DSCAM: variants seen among roughly 807,000 people sequenced by gnomAD.
DSCAM encodes cell adhesion molecule DSCAM.
A neutral mutation model predicts 217.7 loss-of-function variants in DSCAM; 47 were observed. The observed-to-expected ratio is 0.22, with a 90% CI of 0.17 to 0.28. DSCAM has a LOEUF of 0.28. Among genes scored for constraint, DSCAM ranks in the 10% least tolerant of loss-of-function variants. The pLI, the probability that DSCAM is intolerant of heterozygous loss-of-function variation, is 1.00. For synonymous variants in DSCAM, 1,056 were observed against 1,015.3 expected, an observed-to-expected ratio of 1.04 and a Z score of -0.76; for missense variants, 2,080 against 2,618.3, an observed-to-expected ratio of 0.79 and a Z score of 4.49.
chr21:40,500,031 G>A (rs769561051), intron 3 of DSCAM, among the ~76,000 whole-genome samples: 21 of 152,122 alleles, frequency 1.4e-4, no homozygotes, highest in African/African-American at 4.3e-4. Context: ...CACCTGCCTC[G>A]GTCTCCCAAA....
At chr21:40,765,278 C>A (rs980560138) in intron 1 of DSCAM, among the ~76,000 whole-genome samples, 1 of 152,168 alleles carries the variant, frequency 6.6e-6, no homozygotes, top group Non-Finnish European at 1.5e-5. Flanking sequence ...CAATTCCTTG[C>A]GCAGAGCAAC....
chr21:40,682,466 C>T (rs955988230), intron 3 of DSCAM, among the ~76,000 whole-genome samples: 1 of 149,308 alleles, frequency 6.7e-6, no homozygotes, highest in African/African-American at 2.5e-5. Flanking sequence ...TGCCTTGTGT[C>T]CCCTAAAGTT....
chr21:40,603,160 T>C (rs947929078), intron 3 of DSCAM, among the ~76,000 whole-genome samples: 1 of 152,202 alleles, frequency 6.6e-6, no homozygotes, highest in African/African-American at 2.4e-5. Flanking sequence ...TTTAATTCCA[T>C]TGAAGTTTAA....
intron 3 of DSCAM, among the ~76,000 whole-genome samples, chr21:40,652,344 CAACA>C (rs1303227738): frequency 2.2e-4 from 8 of 35,924 alleles, no homozygotes; most frequent in African/African-American, 1.1e-3. Context: ...ACAACAACAA[CAACA>C]AAAAAAAAAA....
At chr21:40,533,544 T>TC (rs2076467414) in intron 3 of DSCAM, among the ~76,000 whole-genome samples, 3 of 15,134 alleles carry the variant, frequency 2.0e-4, no homozygotes, top group Admixed American at 1.4e-3. Context: ...CATCCATCCA[T>TC]TCATCCATCC....
chr21:40,102,898 G>T (rs78434035), intron 20 of DSCAM, among the ~76,000 whole-genome samples: 341 of 152,168 alleles, frequency 2.2e-3, no homozygotes, highest in African/African-American at 7.9e-3. Flanking sequence ...TGTGCTTACT[G>T]CATCTCCCCA....
At chr21:40,472,735 GT>G (rs1025712159) in intron 3 of DSCAM, among the ~76,000 whole-genome samples, 2 of 148,508 alleles carry the variant, frequency 1.3e-5, no homozygotes, top group African/African-American at 4.9e-5. Flanking sequence ...TAAATGTAAA[GT>G]TTTTTTAAAA....
intron 1 of DSCAM, among the ~76,000 whole-genome samples, chr21:40,789,749 G>A (rs893128739): frequency 2.6e-5 from 4 of 152,186 alleles, no homozygotes; most frequent in Admixed American, 2.6e-4. Flanking sequence ...TAGAGACGGG[G>A]TTTCACCGTG....
chr21:40,140,326 A>G (rs2090274276), intron 18 of DSCAM, among the ~76,000 whole-genome samples: 1 of 152,202 alleles, frequency 6.6e-6, no homozygotes, highest in South Asian at 2.1e-4. Context: ...AGCTGCATGC[A>G]CACTCCCAAG....
At position 40,388,739 on chromosome 21, in the gene DSCAM, C is replaced by T. The variant is rs148441044; in HGVS notation, c.509-19494G>A. Among the ~76,000 whole-genome samples, 533 of 152,288 alleles carry T rather than the reference C, an allele frequency of 3.5e-3. 4 individuals are homozygous for T. The highest frequency in any genetic ancestry group is 3.8e-3 in the Non-Finnish European group (259 of 68,014). ...CACATTCTGGAAAGTGTGTTCAATC[C>T]TACTAAAACCTATTACAATCCATTC... is the stretch of plus-strand genomic sequence containing the variant. On this transcript the variant is annotated intron_variant, in intron 3 of 32. Coordinates refer to ENST00000400454, the MANE Select transcript of DSCAM (RefSeq NM_001389.5).
intron 4 of DSCAM, among the ~76,000 whole-genome samples, chr21:40,363,929 G>A (rs184676891): frequency 2.0e-3 from 301 of 152,262 alleles, no homozygotes; most frequent in Middle Eastern, 3.4e-3. Flanking sequence ...ATGAAAAAAT[G>A]CTCATCATCA....
intron 4 of DSCAM, among the ~76,000 whole-genome samples, chr21:40,358,161 C>T (rs532609642): frequency 3.3e-5 from 5 of 152,246 alleles, no homozygotes; most frequent in African/African-American, 9.6e-5. Context: ...ACTTCTAATG[C>T]TATTCATAAA....
intron 3 of DSCAM, among the ~76,000 whole-genome samples, chr21:40,516,440 C>T (rs2076300311): frequency 6.6e-6 from 1 of 152,080 alleles, no homozygotes; most frequent in African/African-American, 2.4e-5. Context: ...GTTTCTTCCT[C>T]TTTAGCAGGA....
chr21:40,675,513 T>G (rs375397123), intron 3 of DSCAM, among the ~76,000 whole-genome samples: 14 of 152,340 alleles, frequency 9.2e-5, no homozygotes, highest in African/African-American at 2.6e-4. Flanking sequence ...TAACTGTCCC[T>G]AATTTACAGC....
At chr21:40,204,980 C>T (rs1288519624) in intron 11 of DSCAM, among the ~76,000 whole-genome samples, 1 of 152,204 alleles carries the variant, frequency 6.6e-6, no homozygotes, top group Non-Finnish European at 1.5e-5. Context: ...AGGCTGCACC[C>T]CTTCTGTGTC....
At position 40,354,302 on chromosome 21, in the gene DSCAM, C is replaced by A. The variant is rs1246744722; in HGVS notation, c.656-559G>T. Reference sequence around the variant, plus strand: ...TTGATTTTAACAAATTATATGAATACATTAAATTATCACATGTACCCCAAA... The same window carrying A: ...TTGATTTTAACAAATTATATGAATAAATTAAATTATCACATGTACCCCAAA... On this transcript the variant is annotated intron_variant, in intron 4 of 32. Transcript: ENST00000400454. 2.0e-5 allele frequency among the ~76,000 whole-genome samples: 3 copies of A among 152,202 alleles called. No homozygotes were observed. In the South Asian group the frequency reaches 6.2e-4, roughly 32 times the overall value.
chr21:40,725,946 G>A (rs895408759), intron 1 of DSCAM, among the ~76,000 whole-genome samples: 2 of 152,090 alleles, frequency 1.3e-5, no homozygotes, highest in African/African-American at 2.4e-5. Flanking sequence ...ATTAAAAAAT[G>A]AATTAAAAGG....
At chr21:40,678,709 A>T (rs542078617) in intron 3 of DSCAM, among the ~76,000 whole-genome samples, 3 of 152,282 alleles carry the variant, frequency 2.0e-5, no homozygotes, top group South Asian at 4.1e-4. Flanking sequence ...ACTATTTGAA[A>T]CAACATGCCC....
At chr21:40,643,327 C>CA (rs1294741970) in intron 3 of DSCAM, among the ~76,000 whole-genome samples, 2 of 152,144 alleles carry the variant, frequency 1.3e-5, no homozygotes, top group Non-Finnish European at 2.9e-5. Context: ...ACATATTTTA[C>CA]AAGTGAGCAA....
Sources: allele counts gnomAD v4.1 joint callset (sites outside exome capture counted in the v4.1 genomes callset), GRCh38; gene constraint gnomAD v4.1.1; transcripts MANE v1.5; gene names NCBI Gene and HGNC (gene_info 2026-07-23, HGNC 2026-07-21).